Variants in SMIM31 observed in about 807,000 individuals in gnomAD.
SMIM31 encodes small integral membrane protein 31.
chr4:164,801,520 A>C lies in SMIM31; in HGVS notation c.*326A>C, dbSNP rs142179450. ...ACTACATGTGTTACAATTTGGTAAGATAAACAAACAAACAAAAAATTTAAT... is the reference window on the plus strand; with the variant it reads ...ACTACATGTGTTACAATTTGGTAAGCTAAACAAACAAACAAAAAATTTAAT... On this transcript the variant is annotated 3_prime_UTR_variant, in exon 3 of 3. Coordinates refer to ENST00000507311, the MANE Select transcript of SMIM31 (RefSeq NM_001352885.1). 2 of 188,738 alleles carry C rather than the reference A, an allele frequency of 1.1e-5. No homozygotes were observed. The highest frequency in any genetic ancestry group is 2.2e-5 in the Non-Finnish European group (2 of 92,544). The allele number at this position is 188,738 out of a possible 1,614,324, so 11.7% of individuals were successfully genotyped here.
intron 2 of SMIM31, among the ~76,000 whole-genome samples, chr4:164,784,857 T>C (rs1733005995): frequency 6.6e-6 from 1 of 151,492 alleles, no homozygotes; most frequent in Admixed American, 6.6e-5. Flanking sequence ...ATCTTTGCTA[T>C]CATCAGCCGC....
At chr4:164,766,506 C>CA (rs1421168305) in intron 1 of SMIM31, among the ~76,000 whole-genome samples, 4 of 146,120 alleles carry the variant, frequency 2.7e-5, no homozygotes, top group Non-Finnish European at 5.9e-5. Context: ...CAAACAATAA[C>CA]AAAAAAATGT....
intron 2 of SMIM31, among the ~76,000 whole-genome samples, chr4:164,788,487 T>C (rs1171985729): frequency 6.3e-5 from 7 of 111,414 alleles, no homozygotes; most frequent in Non-Finnish European, 1.1e-4. Flanking sequence ...TCTTTTTTTT[T>C]TTTTTTTTTT....
chr4:164,794,862 A>G (rs1357393181), intron 2 of SMIM31, among the ~76,000 whole-genome samples: 1 of 151,766 alleles, frequency 6.6e-6, no homozygotes, highest in African/African-American at 2.4e-5. Context: ...TATATCTTAT[A>G]GAGATACACA....
At chr4:164,756,909 C>A (rs1372660532) in intron 1 of SMIM31, among the ~76,000 whole-genome samples, 1 of 152,152 alleles carries the variant, frequency 6.6e-6, no homozygotes, top group Non-Finnish European at 1.5e-5. Flanking sequence ...TTTCTCTGAA[C>A]ATATGTTTTC....
intron 1 of SMIM31, among the ~76,000 whole-genome samples, chr4:164,763,547 C>G (rs1732679036): frequency 6.6e-6 from 1 of 152,068 alleles, no homozygotes; most frequent in Non-Finnish European, 1.5e-5. Context: ...TTTCTAGTGA[C>G]ACAGAAAAGG....
chr4:164,760,095 G>A (rs1429135583), intron 1 of SMIM31, among the ~76,000 whole-genome samples: 1 of 152,214 alleles, frequency 6.6e-6, no homozygotes, highest in African/African-American at 2.4e-5. Flanking sequence ...GCAAAAGCCA[G>A]GAGGATAGTG....
intron 1 of SMIM31, among the ~76,000 whole-genome samples, chr4:164,759,418 A>G (rs186650406): frequency 6.6e-6 from 1 of 152,270 alleles, no homozygotes; most frequent in East Asian, 1.9e-4. Flanking sequence ...TTTATTTGGT[A>G]TGTTACATAT....
At chr4:164,761,762 CA>C (rs553183775) in intron 1 of SMIM31, among the ~76,000 whole-genome samples, 1,911 of 144,208 alleles carry the variant, frequency 0.013, 44 homozygotes, top group South Asian at 0.061. Context: ...ACTAAAAATA[CA>C]AAAAAAAAAA....
intron 1 of SMIM31, among the ~76,000 whole-genome samples, chr4:164,769,109 A>G (rs1018144358): frequency 1.3e-5 from 2 of 152,032 alleles, no homozygotes; most frequent in East Asian, 1.9e-4. Flanking sequence ...CCTTCCATCA[A>G]ATCGGCTCTG....
At chr4:164,776,890 C>T (rs1732885733) in intron 2 of SMIM31, among the ~76,000 whole-genome samples, 1 of 152,112 alleles carries the variant, frequency 6.6e-6, no homozygotes, top group Non-Finnish European at 1.5e-5. Context: ...GTTGCTTTAT[C>T]TATATTAATA....
At chr4:164,798,477 G>A (rs777570085) in intron 2 of SMIM31, among the ~76,000 whole-genome samples, 5 of 151,640 alleles carry the variant, frequency 3.3e-5, no homozygotes, top group Middle Eastern at 3.4e-3. Flanking sequence ...TCCTGACCTC[G>A]TGATCCGCCC....
chr4:164,794,202 C>T (rs1245203478), intron 2 of SMIM31, among the ~76,000 whole-genome samples: 2 of 151,854 alleles, frequency 1.3e-5, no homozygotes, highest in African/African-American at 4.8e-5. Context: ...CATAAGGAAA[C>T]CCCATCTCTA....
At chr4:164,772,590 T>TTTTTTA (rs1732821568) in intron 2 of SMIM31, among the ~76,000 whole-genome samples, 1 of 29,374 alleles carries the variant, frequency 3.4e-5, no homozygotes, top group Non-Finnish European at 8.9e-5. Context: ...ATTTTATTTT[T>TTTTTTA]TTTTTTGAGA....
chr4:164,771,162 G>C (rs1305617264), intron 2 of SMIM31, among the ~76,000 whole-genome samples: 5 of 152,102 alleles, frequency 3.3e-5, no homozygotes, highest in Admixed American at 1.3e-4. Flanking sequence ...TGAATTAAAA[G>C]ACTATTCTAT....
At chr4:164,784,374 G>A (rs545205193) in intron 2 of SMIM31, among the ~76,000 whole-genome samples, 2 of 152,298 alleles carry the variant, frequency 1.3e-5, no homozygotes, top group South Asian at 2.1e-4. Flanking sequence ...ACTGCTAGAC[G>A]CCGTTGGTTC....
intron 2 of SMIM31, among the ~76,000 whole-genome samples, chr4:164,772,585 A>ATT (rs755302201): frequency 9.7e-4 from 138 of 142,776 alleles, no homozygotes; most frequent in African/African-American, 3.0e-3. Flanking sequence ...TTTTTATTTT[A>ATT]TTTTTTTTTT....
intron 1 of SMIM31, among the ~76,000 whole-genome samples, chr4:164,755,411 C>T (rs374765681): frequency 1.6e-4 from 24 of 149,272 alleles, no homozygotes; most frequent in South Asian, 4.3e-4. Context: ...GCCCAGGAGG[C>T]GGAGGTTACC....
chr4:164,790,650 C>G (rs1006170839), intron 2 of SMIM31, among the ~76,000 whole-genome samples: 34 of 152,248 alleles, frequency 2.2e-4, no homozygotes, highest in African/African-American at 7.7e-4. Context: ...TGTATTTTTA[C>G]TTTACCAAAC....
Sources: allele counts gnomAD v4.1 joint callset (sites outside exome capture counted in the v4.1 genomes callset), GRCh38; gene constraint gnomAD v4.1.1; transcripts MANE v1.5; gene names NCBI Gene and HGNC (gene_info 2026-07-23, HGNC 2026-07-21).